CALD1: variants seen among roughly 807,000 people sequenced by gnomAD.
CALD1 encodes caldesmon 1, also known as caldesmon.
Under a neutral mutation model 99.9 loss-of-function variants are expected in CALD1, and 33 were observed. The observed-to-expected ratio is 0.33, with a 90% confidence interval of 0.25 to 0.44. CALD1 has a LOEUF of 0.44. Ranked by LOEUF, CALD1 falls within the 20% of genes least tolerant of loss-of-function variation. The pLI, the probability that CALD1 is intolerant of heterozygous loss-of-function variation, is 1.00. For missense variants in CALD1, 861 were observed against 962.1 expected, an observed-to-expected ratio of 0.89 and a Z score of 1.39; for synonymous variants, 310 against 325.0, an observed-to-expected ratio of 0.95 and a Z score of 0.50.
intron 2 of CALD1, among the ~76,000 whole-genome samples, chr7:134,858,138 T>A (rs560375290): frequency 6.6e-6 from 1 of 151,902 alleles, no homozygotes; most frequent in African/African-American, 2.4e-5. Context: ...GTTAAACTAC[T>A]TTTATGTAAA....
chr7:134,728,435 T>C, the CALD1 span, among the ~76,000 whole-genome samples: 12 of 152,180 alleles, frequency 7.9e-5, no homozygotes, highest in Non-Finnish European at 7.3e-5. Context: ...TATCTGAACA[T>C]AGTTTGGACA....
Position 134,947,517 on chromosome 7 carries a change from A to T in CALD1, c.1542A>T (p.Gly514=). The T allele has an allele frequency of 6.4e-7, 1 of 1,568,406 alleles. No homozygotes were observed. The highest frequency in any genetic ancestry group is 8.6e-7 in the Non-Finnish European group (1 of 1,156,366). ...KHTENTFSRP[G]GRASVDTKEA... is the part of the protein sequence containing the mutation. ...TGCCCCCCAACCACAGCCGCCCTGG[A>T]GGGAGGGCCAGCGTGGACACCAAGG... Residue 514 remains glycine, a synonymous_variant, in exon 8 of 15, where the codon GGA becomes GGT. Coordinates refer to ENST00000361675, the MANE Select transcript of CALD1 (RefSeq NM_033138.4).
intron 11 of CALD1, among the ~76,000 whole-genome samples, chr7:134,959,414 G>A (rs768533659): frequency 2.6e-5 from 4 of 152,260 alleles, no homozygotes; most frequent in South Asian, 2.1e-4. Flanking sequence ...ACTCATGCCT[G>A]TCGTCACAGC....
chr7:134,804,642 C>T (rs1798069165), intron 1 of CALD1, among the ~76,000 whole-genome samples: 1 of 152,206 alleles, frequency 6.6e-6, no homozygotes, highest in African/African-American at 2.4e-5. Context: ...TATCTAAGAG[C>T]ATCTTGAACA....
chr7:134,711,674 ATATATATGTGTGTG>A, the CALD1 span, among the ~76,000 whole-genome samples: 10 of 84,762 alleles, frequency 1.2e-4, no homozygotes, highest in Non-Finnish European at 2.2e-4. Flanking sequence ...ATATATATAT[ATATATATGTGTGTG>A]TGTGTGTGTG....
intron 3 of CALD1, chr7:134,891,663 G>T (rs929703880): frequency 2.5e-6 from 4 of 1,604,474 alleles, no homozygotes; most frequent in Non-Finnish European, 2.6e-6. Flanking sequence ...CAGCCTGGCC[G>T]CGCTCTCCCA....
intron 1 of CALD1, among the ~76,000 whole-genome samples, chr7:134,747,323 C>A (rs990396958): frequency 2.0e-5 from 3 of 152,126 alleles, no homozygotes; most frequent in Non-Finnish European, 4.4e-5. Context: ...ATACTAAGGT[C>A]AAGATGCACA....
chr7:134,960,657 C>A (rs1249103702), intron 13 of CALD1, 29 bp downstream of exon 13: 2 of 1,362,312 alleles, frequency 1.5e-6, no homozygotes, highest in African/African-American at 2.9e-5. Flanking sequence ...TTCTGAGTTT[C>A]TTTGATCTCC....
At chr7:134,714,593 T>C in the CALD1 span, among the ~76,000 whole-genome samples, 1 of 152,254 alleles carries the variant, frequency 6.6e-6, no homozygotes, top group Non-Finnish European at 1.5e-5. Context: ...AGCAGGTTTA[T>C]TGAAGCAGCA....
At chr7:134,955,142 A>G (rs1331160133) in intron 9 of CALD1, among the ~76,000 whole-genome samples, 1 of 152,246 alleles carries the variant, frequency 6.6e-6, no homozygotes, top group Non-Finnish European at 1.5e-5. Flanking sequence ...CTGTAATCCC[A>G]GCACTTTGGG....
the CALD1 span, among the ~76,000 whole-genome samples, chr7:134,714,102 G>C: frequency 6.6e-6 from 1 of 152,142 alleles, no homozygotes; most frequent in Non-Finnish European, 1.5e-5. Context: ...TGGAAGATGT[G>C]CCTGCTTCCC....
intron 2 of CALD1, among the ~76,000 whole-genome samples, chr7:134,845,380 T>C (rs965761860): frequency 5.9e-5 from 9 of 152,196 alleles, no homozygotes; most frequent in Non-Finnish European, 1.3e-4. Context: ...GTATTAAAGA[T>C]GCTTTCTCCT....
intron 8 of CALD1, among the ~76,000 whole-genome samples, chr7:134,949,731 A>G (rs1807185705): frequency 6.6e-6 from 1 of 152,166 alleles, no homozygotes; most frequent in Non-Finnish European, 1.5e-5. Context: ...GTGTGAGGTC[A>G]TTGTTAATGA....
intron 3 of CALD1, among the ~76,000 whole-genome samples, chr7:134,869,681 C>A (rs1017779308): frequency 1.3e-5 from 2 of 152,102 alleles, no homozygotes; most frequent in Non-Finnish European, 2.9e-5. Context: ...AGGTAGAAAC[C>A]ACATCCAAAA....
chr7:134,804,701 CT>C (rs1798071889), intron 1 of CALD1, among the ~76,000 whole-genome samples: 1 of 152,198 alleles, frequency 6.6e-6, no homozygotes, highest in Non-Finnish European at 1.5e-5. Context: ...TTTTTAGTAT[CT>C]TTGATTTAAG....
intron 3 of CALD1, among the ~76,000 whole-genome samples, chr7:134,881,611 A>G (rs1345395511): frequency 1.3e-5 from 2 of 152,182 alleles, no homozygotes; most frequent in African/African-American, 4.8e-5. Flanking sequence ...TATATTAACT[A>G]TATGTAGAGT....
chr7:134,891,733 A>C, intron 3 of CALD1: 1 of 963,322 alleles, frequency 1.0e-6, no homozygotes, highest in Non-Finnish European at 1.5e-6. Context: ...ATAAAAAACA[A>C]ACGAATTGTT....
intron 1 of CALD1, among the ~76,000 whole-genome samples, chr7:134,786,736 C>T (rs1481486107): frequency 6.6e-6 from 1 of 152,168 alleles, no homozygotes; most frequent in Non-Finnish European, 1.5e-5. Context: ...AAACACACAG[C>T]TCCTAAGTTC....
chr7:134,949,907 C>CAA (rs35356920), intron 8 of CALD1, among the ~76,000 whole-genome samples: 7 of 137,824 alleles, frequency 5.1e-5, no homozygotes, highest in Non-Finnish European at 9.5e-5. Context: ...GCTGATGAGC[C>CAA]AAAAAAAAAA....
Sources: gnomAD v4.1 joint callset for allele counts (sites outside exome capture counted in the v4.1 genomes callset) on GRCh38, gnomAD v4.1.1 for gene constraint, MANE v1.5 for transcripts, NCBI Gene and HGNC (gene_info 2026-07-23, HGNC 2026-07-21) for gene names.